L3MBTL4: variants seen among roughly 807,000 people sequenced by gnomAD.
L3MBTL4 encodes the protein L3MBTL histone methyl-lysine binding protein 4.
In L3MBTL4, 70 loss-of-function variants were observed where a neutral mutation model predicts 84.5. The observed-to-expected ratio is 0.83, with a 90% confidence interval of 0.68 to 1.01. The LOEUF (loss-of-function observed/expected upper bound fraction) is 1.01, where lower values mean the gene tolerates loss of function less well. Ranked by LOEUF, L3MBTL4 falls within the 50% of genes least tolerant of loss-of-function variation. The pLI, the probability that L3MBTL4 is intolerant of heterozygous loss-of-function variation, is 0.00. For synonymous variants in L3MBTL4, 274 were observed against 259.8 expected (o/e 1.05, Z -0.52); for missense variants, 715 against 754.8 (o/e 0.95, Z 0.62).
intron 14 of L3MBTL4, among the ~76,000 whole-genome samples, chr18:6,133,364 C>A (rs1020901283): frequency 4.5e-4 from 69 of 151,804 alleles, no homozygotes; most frequent in Non-Finnish European, 8.2e-4. Context: ...CACACTCCCC[C>A]CACACACAAA....
intron 14 of L3MBTL4, among the ~76,000 whole-genome samples, chr18:6,128,644 A>G (rs1235864566): frequency 1.3e-5 from 2 of 152,206 alleles, no homozygotes; most frequent in Non-Finnish European, 2.9e-5. Context: ...AATTGTACCC[A>G]TGGCTGAGGA....
chr18:6,069,433 G>T (rs1446713443), intron 16 of L3MBTL4, among the ~76,000 whole-genome samples: 4 of 147,786 alleles, frequency 2.7e-5, no homozygotes, highest in African/African-American at 7.4e-5. Flanking sequence ...GGAAAGTGTT[G>T]TTTTTTTTTT....
At chr18:6,110,510 G>A (rs1385472472) in intron 14 of L3MBTL4, among the ~76,000 whole-genome samples, 2 of 141,880 alleles carry the variant, frequency 1.4e-5, no homozygotes, top group Non-Finnish European at 3.0e-5. Context: ...GTACACGTGT[G>A]CGGGGTGTGT....
At chr18:6,021,737 C>T (rs1325977561) in intron 16 of L3MBTL4, among the ~76,000 whole-genome samples, 2 of 152,104 alleles carry the variant, frequency 1.3e-5, no homozygotes, top group Admixed American at 1.3e-4. Context: ...CATGGCGCAC[C>T]TCTGGTCCCA....
chr18:6,377,712 C>G (rs919128625), intron 1 of L3MBTL4, among the ~76,000 whole-genome samples: 17 of 152,278 alleles, frequency 1.1e-4, no homozygotes, highest in African/African-American at 3.6e-4. Context: ...TTTCTTTACC[C>G]AGCCTATCAT....
At chr18:6,161,159 T>C (rs575046299) in intron 13 of L3MBTL4, among the ~76,000 whole-genome samples, 1 of 152,182 alleles carries the variant, frequency 6.6e-6, no homozygotes, top group Non-Finnish European at 1.5e-5. Context: ...ATTCTAACTG[T>C]AGGAAAAGCC....
At chr18:5,995,116 G>A (rs2053891596) in intron 16 of L3MBTL4, among the ~76,000 whole-genome samples, 1 of 152,246 alleles carries the variant, frequency 6.6e-6, no homozygotes, top group African/African-American at 2.4e-5. Context: ...AGAAACATGT[G>A]CGTCCAGGAG....
intron 17 of L3MBTL4, among the ~76,000 whole-genome samples, chr18:5,963,513 CCCT>C (rs2052171062): frequency 6.6e-6 from 1 of 152,220 alleles, no homozygotes; most frequent in Non-Finnish European, 1.5e-5. Context: ...CACCTGGCCA[CCCT>C]CCTCGGCTTC....
intron 14 of L3MBTL4, among the ~76,000 whole-genome samples, chr18:6,103,272 A>G (rs1375294080): frequency 6.6e-6 from 1 of 152,222 alleles, no homozygotes; most frequent in East Asian, 1.9e-4. Flanking sequence ...TATAGTGATA[A>G]GTTTGTGTCT....
chr18:6,272,091 G>T (rs1179731061), intron 4 of L3MBTL4, among the ~76,000 whole-genome samples: 2 of 152,218 alleles, frequency 1.3e-5, no homozygotes, highest in African/African-American at 4.8e-5. Flanking sequence ...TCAGGAGACG[G>T]GACGTCTCAG....
chr18:6,289,707 A>G (rs566826436), intron 4 of L3MBTL4, among the ~76,000 whole-genome samples: 1 of 151,768 alleles, frequency 6.6e-6, no homozygotes, highest in South Asian at 2.1e-4. Flanking sequence ...TTTTTTTCAG[A>G]TCCTGTAACT....
At position 6,041,139 on chromosome 18, in the gene L3MBTL4, A is replaced by T. The variant is rs1301169110; in HGVS notation, c.1444+39742T>A. Among the ~76,000 whole-genome samples, 3 of 152,170 alleles carry T rather than the reference A, an allele frequency of 2.0e-5. No homozygotes were observed. The East Asian group carries it at 5.8e-4, about 29-fold the overall frequency. The stretch of plus-strand genomic sequence containing the variant: ...GAAAAGATGGCATAGCTGGCCCCAA[A>T]TCTCAGCAAGGACACTAAGGTCTGG... On this transcript the variant is annotated intron_variant, in intron 16 of 18. Transcript: ENST00000317931.
At chr18:6,118,367 A>G (rs530111279) in intron 14 of L3MBTL4, among the ~76,000 whole-genome samples, 3 of 152,036 alleles carry the variant, frequency 2.0e-5, no homozygotes, top group Admixed American at 6.5e-5. Context: ...AAATTCCTCA[A>G]CTGGATCCAG....
chr18:6,182,537 A>G (rs1218081344), intron 12 of L3MBTL4, among the ~76,000 whole-genome samples: 1 of 152,150 alleles, frequency 6.6e-6, no homozygotes, highest in Admixed American at 6.5e-5. Context: ...GAAGCCCTTT[A>G]GCTTAATTAG....
rs554195414 is a variant in L3MBTL4 at position 6,390,581 on chromosome 18, C to T, written c.-91+24220G>A. On this transcript the variant is annotated intron_variant, in intron 1 of 18. Coordinates refer to ENST00000317931, the MANE Select transcript of L3MBTL4 (RefSeq NM_001330559.2). ...AACAAAATTGATATACCATTATTAG[C>T]TATATTAACCAAGAAAAGAAGAGAC... Among the ~76,000 whole-genome samples the T allele has an allele frequency of 5.3e-5, 8 of 152,118 alleles. No individual in the cohort carries two copies. In the South Asian group the frequency reaches 1.7e-3, roughly 32 times the overall value.
At position 6,197,771 on chromosome 18, in the gene L3MBTL4, A is replaced by G. The variant is rs367854430; in HGVS notation, c.981+15378T>C. On this transcript the variant is annotated intron_variant, in intron 12 of 18. Transcript: ENST00000317931. ...GTCATCCACCTCGTCCTGGTGACCCAGACTTCCACTTAGCCAAGGTTCCTG... is the reference window on the plus strand; with the variant it reads ...GTCATCCACCTCGTCCTGGTGACCCGGACTTCCACTTAGCCAAGGTTCCTG... Among the ~76,000 whole-genome samples the G allele has an allele frequency of 1.1e-3, 173 of 152,262 alleles. 2 individuals are homozygous for G. In the Middle Eastern group the frequency reaches 0.02, roughly 18 times the overall value.
chr18:5,958,699 C>A (rs1199700626), intron 18 of L3MBTL4, among the ~76,000 whole-genome samples: 1 of 152,102 alleles, frequency 6.6e-6, no homozygotes, highest in Non-Finnish European at 1.5e-5. Flanking sequence ...TATACTGCTG[C>A]CTTTATTAAG....
intron 9 of L3MBTL4, among the ~76,000 whole-genome samples, chr18:6,239,073 G>T (rs1214601558): frequency 6.6e-6 from 1 of 152,104 alleles, no homozygotes; most frequent in African/African-American, 2.4e-5. Flanking sequence ...CAGGCGCGGT[G>T]GCTCACGCCT....
chr18:6,011,606 C>T (rs574827505), intron 16 of L3MBTL4, among the ~76,000 whole-genome samples: 3 of 152,290 alleles, frequency 2.0e-5, no homozygotes, highest in East Asian at 3.9e-4. Context: ...TACTCCCCAC[C>T]CCAAGGTGTT....
Sources: allele counts gnomAD v4.1 joint callset (sites outside exome capture counted in the v4.1 genomes callset), GRCh38; gene constraint gnomAD v4.1.1; transcripts MANE v1.5; gene names NCBI Gene and HGNC (gene_info 2026-07-23, HGNC 2026-07-21).